Variants in PARD3B observed in about 807,000 individuals in gnomAD.
PARD3B encodes the protein par-3 family cell polarity regulator beta, also known as partitioning defective 3 homolog B.
Under a neutral mutation model 130.2 loss-of-function variants are expected in PARD3B, and 103 were observed. The observed-to-expected ratio is 0.79, with a 90% confidence interval of 0.67 to 0.93. The LOEUF (loss-of-function observed/expected upper bound fraction) is 0.93. Among genes scored for constraint, PARD3B ranks in the 40% least tolerant of loss-of-function variants. The pLI is 0.00. For synonymous variants in PARD3B, 583 were observed against 553.2 expected (o/e 1.05, Z -0.76); for missense variants, 1,609 against 1,499.2 (o/e 1.07, Z -1.21).
At chr2:205,223,486 C>T (rs964593838) in intron 15 of PARD3B, among the ~76,000 whole-genome samples, 10 of 152,162 alleles carry the variant, frequency 6.6e-5, no homozygotes, top group Non-Finnish European at 1.5e-5. Flanking sequence ...GAAGACCTGA[C>T]GGCTGACTGG....
chr2:204,841,695 G>T (rs1306715255), intron 2 of PARD3B, among the ~76,000 whole-genome samples: 1 of 152,020 alleles, frequency 6.6e-6, no homozygotes, highest in Non-Finnish European at 1.5e-5. Context: ...CCCATTTCTG[G>T]TGAAAATAAT....
intron 18 of PARD3B, among the ~76,000 whole-genome samples, chr2:205,302,514 G>A (rs1180922104): frequency 6.6e-6 from 1 of 152,208 alleles, no homozygotes; most frequent in Non-Finnish European, 1.5e-5. Flanking sequence ...ATACTTAGTA[G>A]AGGCATGGAC....
rs2035889313 is a variant in PARD3B, at chr2:205,183,191, A to G, written c.1925-2573A>G. Reference sequence around the variant, plus strand: ...ACATAAGCAAAGATACTGAGGCAGGAACACCCAGGGGTGTTGGCAGGGAAT... The same window carrying G: ...ACATAAGCAAAGATACTGAGGCAGGGACACCCAGGGGTGTTGGCAGGGAAT... On this transcript the variant is annotated intron_variant, in intron 13 of 22. Transcript: ENST00000406610. This position sits in a 1 kb window ranked among gnomAD's most constrained non-coding sequence, Gnocchi z 5.2. Among the ~76,000 whole-genome samples the G allele has an allele frequency of 6.6e-6, 1 of 152,192 alleles. No homozygotes were observed. The highest frequency in any genetic ancestry group is 1.5e-5 in the Non-Finnish European group (1 of 68,028).
intron 22 of PARD3B, among the ~76,000 whole-genome samples, chr2:205,586,310 A>T (rs772792029): frequency 1.3e-5 from 2 of 152,226 alleles, no homozygotes; most frequent in African/African-American, 2.4e-5. Flanking sequence ...AGACTCCGTG[A>T]CAGGCTCAGC....
chr2:204,961,733 A>G (rs1164655909), intron 2 of PARD3B, among the ~76,000 whole-genome samples: 1 of 152,180 alleles, frequency 6.6e-6, no homozygotes, highest in Non-Finnish European at 1.5e-5. Flanking sequence ...GTATACCAAG[A>G]GACTGGTGCC....
intron 20 of PARD3B, among the ~76,000 whole-genome samples, chr2:205,480,042 ATAGGTGCCCTC>A (rs2049172346): frequency 6.6e-6 from 1 of 151,734 alleles, no homozygotes; most frequent in South Asian, 2.1e-4. Flanking sequence ...AGCTGGGATT[ATAGGTGCCCTC>A]CACCATGCCC....
chr2:204,880,457 C>T (rs914403698), intron 2 of PARD3B, among the ~76,000 whole-genome samples: 46 of 151,778 alleles, frequency 3.0e-4, no homozygotes, highest in African/African-American at 1.1e-3. Context: ...GTCAGGAGAT[C>T]GAGACCATCC....
chr2:205,053,886 A>G (rs374415056), intron 4 of PARD3B, among the ~76,000 whole-genome samples: 1 of 152,122 alleles, frequency 6.6e-6, no homozygotes, highest in African/African-American at 2.4e-5. Context: ...TACTGAAACT[A>G]TAAAAGGTTT....
At chr2:204,602,042 G>A (rs1461184940) in intron 1 of PARD3B, among the ~76,000 whole-genome samples, 1 of 151,948 alleles carries the variant, frequency 6.6e-6, no homozygotes, top group East Asian at 1.9e-4. Context: ...TCATTACAGG[G>A]AGTTATTTCT....
chr2:205,217,717 T>TAC (rs1210157609), intron 15 of PARD3B, among the ~76,000 whole-genome samples: 1 of 150,642 alleles, frequency 6.6e-6, no homozygotes, highest in Non-Finnish European at 1.5e-5. Context: ...CATATATATA[T>TAC]ACACACATAC....
intron 8 of PARD3B, among the ~76,000 whole-genome samples, chr2:205,123,758 AT>A (rs1163115165): frequency 6.6e-6 from 1 of 151,850 alleles, no homozygotes; most frequent in Non-Finnish European, 1.5e-5. Context: ...AAGCAGTAAG[AT>A]GGAAGTAAGG....
chr2:205,039,853 G>A (rs1295779939), intron 3 of PARD3B, among the ~76,000 whole-genome samples: 4 of 152,234 alleles, frequency 2.6e-5, no homozygotes, highest in African/African-American at 9.6e-5. Context: ...CCCAGATAGA[G>A]AATGTGGCCC....
chr2:205,281,840 C>T lies in PARD3B; in HGVS notation c.2186-18690C>T, dbSNP rs17251637. Among the ~76,000 whole-genome samples the T allele has an allele frequency of 0.089, 13,504 of 152,126 alleles. 806 individuals carry two copies. The highest frequency in any genetic ancestry group is 0.14 in the Non-Finnish European group (9,625 of 67,962). The stretch of plus-strand genomic sequence containing the variant: ...AAAAGAAATTTTATACATGAGTTTA[C>T]CCCTGAAATGGATGAGTAGATGAGA... On this transcript the variant is annotated intron_variant, in intron 16 of 22. Coordinates refer to ENST00000406610, the MANE Select transcript of PARD3B (RefSeq NM_001302769.2). This position sits in a 1 kb window ranked among gnomAD's most constrained non-coding sequence, Gnocchi z 4.2.
intron 3 of PARD3B, among the ~76,000 whole-genome samples, chr2:205,026,434 A>T (rs531524071): frequency 6.6e-6 from 1 of 152,174 alleles, no homozygotes; most frequent in Non-Finnish European, 1.5e-5. Flanking sequence ...ATACATGTAC[A>T]GGGTGATGAT....
In PARD3B at chr2:205,013,509, G is replaced by A. The variant is rs139869451; in HGVS notation, c.395-34072G>A. ...AACCTCTACACTATTGATGCTTTAGGCTGGCTGCACCTTTGTTGTGGAGGG... is the reference window on the plus strand; with the variant it reads ...AACCTCTACACTATTGATGCTTTAGACTGGCTGCACCTTTGTTGTGGAGGG... On this transcript the variant is annotated intron_variant, in intron 3 of 22. Transcript: ENST00000406610. Among the ~76,000 whole-genome samples the A allele has an allele frequency of 4.0e-3, 603 of 152,190 alleles. 1 individual carries two copies. The highest frequency in any genetic ancestry group is 9.6e-3 in the South Asian group (46 of 4,812).
chr2:205,038,857 A>G (rs1559378314), intron 3 of PARD3B, among the ~76,000 whole-genome samples: 1 of 152,176 alleles, frequency 6.6e-6, no homozygotes, highest in East Asian at 1.9e-4. Flanking sequence ...TTATGGCAAT[A>G]GTGGGAGTCT....
chr2:205,555,349 C>G (rs2052834309), intron 22 of PARD3B, among the ~76,000 whole-genome samples: 1 of 152,194 alleles, frequency 6.6e-6, no homozygotes, highest in African/African-American at 2.4e-5. Context: ...CAGTCCCAGT[C>G]CATCCTCAGG....
chr2:204,728,104 C>T (rs1184230723), intron 2 of PARD3B, among the ~76,000 whole-genome samples: 2 of 152,200 alleles, frequency 1.3e-5, no homozygotes, highest in Non-Finnish European at 2.9e-5. Flanking sequence ...ACCTCACTTT[C>T]ACTCACAGCC....
chr2:205,578,432 A>G (rs1176022278), intron 22 of PARD3B, among the ~76,000 whole-genome samples: 3 of 152,100 alleles, frequency 2.0e-5, no homozygotes, highest in African/African-American at 7.3e-5. Context: ...AGAAGTTACG[A>G]CAGACACATC....
Sources: gnomAD v4.1 joint callset for allele counts (sites outside exome capture counted in the v4.1 genomes callset) on GRCh38, gnomAD v4.1.1 for gene constraint, Gnocchi (gnomAD v3.1) non-coding constraint, MANE v1.5 for transcripts, NCBI Gene and HGNC (gene_info 2026-07-23, HGNC 2026-07-21) for gene names.